CDH18: variants seen among roughly 807,000 people sequenced by gnomAD.
The protein encoded by CDH18 is cadherin 18, also known as cadherin-18.
A neutral mutation model predicts 67.9 loss-of-function variants in CDH18; 31 were observed. The observed-to-expected ratio is 0.46, with a 90% CI of 0.34 to 0.62. CDH18 has a LOEUF of 0.62. CDH18 is among the 20% of genes least tolerant of loss of function. The pLI, the probability that CDH18 is intolerant of heterozygous loss-of-function variation, is 0.01. For missense variants in CDH18, 890 were observed against 975.5 expected (o/e 0.91, Z 1.17); for synonymous variants, 362 against 347.2 (o/e 1.04, Z -0.48).
intron 1 of CDH18, among the ~76,000 whole-genome samples, chr5:20,534,523 TA>T (rs969696524): frequency 6.6e-6 from 1 of 152,138 alleles, no homozygotes; most frequent in South Asian, 2.1e-4. Flanking sequence ...TGTTTATGAG[TA>T]AAAAAAGGTC....
intron 2 of CDH18, among the ~76,000 whole-genome samples, chr5:20,148,090 T>G (rs984591375): frequency 8.0e-6 from 1 of 125,504 alleles, no homozygotes; most frequent in African/African-American, 2.8e-5. Flanking sequence ...TTTTGTTTTG[T>G]TTTTTTTTTT....
rs551452516 is a variant in CDH18, at chr5:19,517,474, T to C, written c.1512+3183A>G. Reference sequence around the variant, plus strand: ...TTAAAGTTTGATGAAATTCAATTTATCACTGTTTCCTTTTATGGATCATGC... The same window carrying C: ...TTAAAGTTTGATGAAATTCAATTTACCACTGTTTCCTTTTATGGATCATGC... On this transcript the variant is annotated intron_variant, in intron 10 of 12. Coordinates refer to ENST00000382275, the MANE Select transcript of CDH18 (RefSeq NM_004934.5). Among the ~76,000 whole-genome samples the C allele has an allele frequency of 2.5e-4, 38 of 152,294 alleles. No individual in the cohort carries two copies. The Middle Eastern group carries it at 0.01, about 41-fold the overall frequency.
intron 2 of CDH18, among the ~76,000 whole-genome samples, chr5:20,189,113 C>G (rs540055542): frequency 6.6e-6 from 1 of 152,142 alleles, no homozygotes; most frequent in Non-Finnish European, 1.5e-5. Flanking sequence ...ACCTAAAGAG[C>G]TATGGAAGAA....
At chr5:20,107,340 C>T (rs1370691766) in intron 2 of CDH18, among the ~76,000 whole-genome samples, 2 of 152,156 alleles carry the variant, frequency 1.3e-5, no homozygotes, top group African/African-American at 4.8e-5. Flanking sequence ...TCCCAAAGTG[C>T]TGTGATTACA....
intron 10 of CDH18, 37 bp downstream of exon 10, chr5:19,520,620 T>C: frequency 6.3e-7 from 1 of 1,578,056 alleles, no homozygotes; most frequent in Non-Finnish European, 8.6e-7. Context: ...TTGCATTTAT[T>C]CCATTCAAAT....
rs576913024 is a variant in CDH18, at chr5:20,416,046, C to T, written c.-580+159416G>A. On this transcript the variant is annotated intron_variant, in intron 1 of 14. Transcript: ENST00000507958. ...ATGTTTCAGTTATGCAAGATAAGTACGTTCTAGAAAATGGCTGTACAACTT... is the reference window on the plus strand; with the variant it reads ...ATGTTTCAGTTATGCAAGATAAGTATGTTCTAGAAAATGGCTGTACAACTT... Among the ~76,000 whole-genome samples, 5 of 152,028 alleles carry T rather than the reference C, an allele frequency of 3.3e-5. No individual in the cohort carries two copies. In the South Asian group the frequency reaches 8.3e-4, roughly 25 times the overall value.
chr5:20,453,678 A>C (rs1750637822), intron 1 of CDH18, among the ~76,000 whole-genome samples: 1 of 151,790 alleles, frequency 6.6e-6, no homozygotes, highest in African/African-American at 2.4e-5. Context: ...GTGAGGAAGA[A>C]AGAAATGTTA....
intron 1 of CDH18, among the ~76,000 whole-genome samples, chr5:20,357,499 T>A (rs902468367): frequency 9.9e-5 from 15 of 151,988 alleles, no homozygotes; most frequent in African/African-American, 3.6e-4. Context: ...ACAAGGAAAT[T>A]ACATAAACAA....
intron 1 of CDH18, among the ~76,000 whole-genome samples, chr5:20,462,748 A>G (rs1163988078): frequency 1.3e-5 from 2 of 152,192 alleles, no homozygotes; most frequent in African/African-American, 4.8e-5. Flanking sequence ...CCACAAAATC[A>G]TAATAACCCA....
chr5:19,663,898 T>C (rs1449137289), intron 5 of CDH18, among the ~76,000 whole-genome samples: 1 of 151,788 alleles, frequency 6.6e-6, no homozygotes, highest in Non-Finnish European at 1.5e-5. Flanking sequence ...ATTTAGATAT[T>C]CCAGTACCAT....
intron 1 of CDH18, among the ~76,000 whole-genome samples, chr5:20,567,952 G>A (rs935819184): frequency 7.2e-5 from 11 of 152,186 alleles, no homozygotes; most frequent in Non-Finnish European, 1.3e-4. Flanking sequence ...AGGTTAGGAA[G>A]AAGATAGTTT....
chr5:19,644,066 A>C (rs1754411927), intron 5 of CDH18, among the ~76,000 whole-genome samples: 1 of 152,124 alleles, frequency 6.6e-6, no homozygotes. Flanking sequence ...TATATTCCCT[A>C]TTTGGGTCTA....
At chr5:19,954,093 T>C (rs1193888079) in intron 2 of CDH18, among the ~76,000 whole-genome samples, 2 of 152,042 alleles carry the variant, frequency 1.3e-5, no homozygotes, top group Non-Finnish European at 2.9e-5. Flanking sequence ...CTATTATATT[T>C]TCTGTACTTA....
chr5:20,207,906 C>T (rs577630809), intron 2 of CDH18, among the ~76,000 whole-genome samples: 2 of 152,238 alleles, frequency 1.3e-5, no homozygotes, highest in African/African-American at 4.8e-5. Flanking sequence ...GACTACCTGA[C>T]TTCAAAATAT....
At chr5:20,143,806 T>G (rs1044864500) in intron 2 of CDH18, among the ~76,000 whole-genome samples, 1 of 152,148 alleles carries the variant, frequency 6.6e-6, no homozygotes, top group Admixed American at 6.6e-5. Flanking sequence ...ATTTGTAAGA[T>G]TTTGGCTTAT....
intron 3 of CDH18, among the ~76,000 whole-genome samples, chr5:19,810,772 T>C (rs62355783): frequency 0.088 from 13,413 of 151,978 alleles, 596 homozygotes; most frequent in African/African-American, 0.1. Context: ...CTTGTAATCC[T>C]AGCACTTTGA....
chr5:20,331,393 A>G (rs950336699), intron 1 of CDH18: 2 of 152,044 alleles, frequency 1.3e-5, no homozygotes, highest in African/African-American at 4.8e-5. Context: ...TGATTCTGAC[A>G]TTGATATGAA....
At chr5:19,924,303 A>C (rs1184275972) in intron 2 of CDH18, among the ~76,000 whole-genome samples, 2 of 152,076 alleles carry the variant, frequency 1.3e-5, no homozygotes, top group East Asian at 3.9e-4. Context: ...TTTTTAAGAT[A>C]TCTTTTTGCA....
chr5:19,615,507 A>C (rs747608452), intron 5 of CDH18, among the ~76,000 whole-genome samples: 56 of 152,184 alleles, frequency 3.7e-4, no homozygotes, highest in Non-Finnish European at 6.3e-4. Context: ...TCCATACCAG[A>C]ATGGTACATT....
Sources: gnomAD v4.1 joint callset for allele counts (sites outside exome capture counted in the v4.1 genomes callset) on GRCh38, gnomAD v4.1.1 for gene constraint, MANE v1.5 for transcripts, NCBI Gene and HGNC (gene_info 2026-07-23, HGNC 2026-07-21) for gene names.